Variants in MUC6 observed in about 807,000 individuals in gnomAD.
MUC6 encodes mucin-6.
In MUC6, 188 loss-of-function variants were observed where a neutral mutation model predicts 201.5. The observed-to-expected ratio is 0.93, with a 90% CI of 0.83 to 1.05. MUC6 has a LOEUF of 1.05. Among genes scored for constraint, MUC6 ranks in the 50% least tolerant of loss-of-function variants. The probability of loss-of-function intolerance (pLI) is 0.00; values close to 1 mark genes in which losing one functional copy is unlikely to be tolerated. For missense variants in MUC6, 2,706 were observed against 3,256.9 expected (o/e 0.83, Z 4.12); for synonymous variants, 1,228 against 1,389.4 (o/e 0.88, Z 2.58).
rs140562430 is a variant in MUC6, at chr11:1,030,504, A to G, written c.892+69T>C. ...ATGCAGGCGTCACGTCAGGCAGTCC[A>G]GGGGCTGGGAGAGCTGGGTCTGGAG... On this transcript the variant is annotated intron_variant, in intron 7 of 32. Coordinates refer to ENST00000421673, the MANE Select transcript of MUC6 (RefSeq NM_005961.3). The G allele has an allele frequency of 5.9e-4, 858 of 1,452,534 alleles. 10 individuals carry two copies. The East Asian group carries it at 0.017, about 28-fold the overall frequency. The allele number at this position is 1,452,534 out of a possible 1,614,324, so 90.0% of individuals were successfully genotyped here.
At chr11:1,020,793 C>T in intron 27 of MUC6, 59 bp from the exon 28 acceptor site, 1 of 1,581,210 alleles carries the variant, frequency 6.3e-7, no homozygotes, top group Non-Finnish European at 8.6e-7. Context: ...CCCGTGGGGC[C>T]TCTGGGAGCT....
intron 19 of MUC6, 31 bp from the exon 20 acceptor site, chr11:1,026,509 A>G: frequency 6.5e-7 from 1 of 1,541,994 alleles, no homozygotes. Flanking sequence ...AGCTCCTGGG[A>G]GGGTGGCCTC....
rs746061608 is a variant in MUC6 at position 1,036,608 on chromosome 11, G to A, written c.48C>T (p.Ser16=). 12 of 1,548,796 alleles carry A rather than the reference G, an allele frequency of 7.7e-6. No homozygotes were observed. Among genetic ancestry groups the A allele is most frequent in the South Asian group, 7.1e-5 (6 of 83,986 alleles). Residue 16 remains serine (S), a synonymous_variant, in exon 1 of 33, where the codon AGC becomes AGT. Transcript: ENST00000421673. ...LLLSCCGALL[S]AGLANTSYTS... ...GCGCCCCTCGACCTCACTCACCAGC[G>A]CTGAGCAGGGCTCCGCAGCAGGACA... is the stretch of plus-strand genomic sequence containing the variant.
rs769022870 is a variant in MUC6, at chr11:1,013,949, C to T, written c.7092G>A (p.Met2364Ile). Residue 2364 changes from methionine (M) to isoleucine (I), a missense_variant, in exon 32 of 33, where the codon ATG becomes ATA. Physicochemically the swap from Met to Ile is conservative, Grantham distance 10. Around this residue, in one of 10 missense-constraint regions of MUC6, gnomAD observed 586 missense variants for 488.0 expected, o/e 1.20. Transcript: ENST00000421673. Reference protein sequence around the residue: ...QQEEITFKGCMANVTVTRCEG... With the variant: ...QQEEITFKGCIANVTVTRCEG... ...CACAGCGGGTTACCGTCACGTTCGC[C>T]ATGCACCCCTTGAACGTGATCTCCT... 7 of 1,609,410 alleles carry T rather than the reference C, an allele frequency of 4.3e-6. No homozygotes were observed. In the South Asian group the frequency reaches 6.6e-5, roughly 15 times the overall value.
At chr11:1,030,387 C>CCCCCCCCCCCCCCCCTTGTTGGGGGCCT in intron 7 of MUC6, 52 bp from the exon 8 acceptor site, 1 of 1,444,170 alleles carries the variant, frequency 6.9e-7, no homozygotes. Flanking sequence ...CCACCCCTCC[C>CCCCCCCCCCCCCCCCTTGTTGGGGGCCT]TGCCCCACCC....
At chr11:1,014,357 C>T (rs749257416) in intron 31 of MUC6, among the ~76,000 whole-genome samples, 6 of 152,210 alleles carry the variant, frequency 3.9e-5, no homozygotes, top group Non-Finnish European at 5.9e-5. Context: ...GCATGGGCCT[C>T]TCTGGTTGGC....
rs751897000 is a variant in MUC6, at chr11:1,029,626, G to A, written c.1016-11C>T. 2.6e-6 allele frequency: 4 copies of A among 1,561,616 alleles called. No individual in the cohort carries two copies. Among genetic ancestry groups the A allele is most frequent in the South Asian group, 1.2e-5 (1 of 83,680 alleles). On this transcript the variant is annotated splice_polypyrimidine_tract_variant and intron_variant, in intron 8 of 32. Coordinates refer to ENST00000421673, the MANE Select transcript of MUC6 (RefSeq NM_005961.3). ...CATTCAGGACCGTACCTGCAGGAGA[G>A]GGTCTTCTTGGGGCTTGGGTGGGAC...
intron 31 of MUC6, 124 bp from the exon 32 acceptor site, chr11:1,014,125 C>T (rs1856546917): frequency 1.0e-5 from 8 of 765,776 alleles, no homozygotes; most frequent in Non-Finnish European, 1.5e-5. Flanking sequence ...GTGTGGTCTC[C>T]CCTTGTGGAG....
chr11:1,020,586 C>T lies in MUC6; in HGVS notation c.3640+98G>A, dbSNP rs562801780. The T allele has an allele frequency of 1.8e-5, 28 of 1,519,980 alleles. No individual in the cohort carries two copies. In the African/African-American group the frequency reaches 3.2e-4, roughly 17 times the overall value. 94.2% of individuals were successfully genotyped at this position (1,519,980 alleles called of 1,614,324 possible). A position where few individuals can be genotyped will look rare whatever the true frequency, so the allele number is the denominator to read the frequency against. On this transcript the variant is annotated intron_variant, in intron 28 of 32. Transcript: ENST00000421673. ...TGAGAAGGGCACAGGTACTGCCTGC[C>T]CCCTCCCTGCTTCCCACCCGACAGA... is the stretch of plus-strand genomic sequence containing the variant.
At position 1,025,844 on chromosome 11, in the gene MUC6, G is replaced by A. The variant is rs753380098; in HGVS notation, c.2760C>T (p.Ser920=). 3.8e-5 allele frequency: 62 copies of A among 1,612,932 alleles called. 1 individual carries two copies. Among genetic ancestry groups the A allele is most frequent in the South Asian group, 3.2e-4 (29 of 91,010 alleles). ...TGATGGCCCGTGAGCATGTGACCCCGGAGTTCCCACAGATGACGTTCTCTG... is the reference window on the plus strand; with the variant it reads ...TGATGGCCCGTGAGCATGTGACCCCAGAGTTCCCACAGATGACGTTCTCTG... ...ILTENVICGN[S]GVTCSRAIKI... The change falls in exon 22 of 33, where the codon TCC becomes TCT. Residue 920 remains serine (S), a synonymous_variant. Coordinates refer to ENST00000421673, the MANE Select transcript of MUC6 (RefSeq NM_005961.3).
At chr11:1,023,049 A>T (rs200047074) in intron 26 of MUC6, among the ~76,000 whole-genome samples, 1 of 121,884 alleles carries the variant, frequency 8.2e-6, no homozygotes, top group Non-Finnish European at 1.9e-5. Flanking sequence ...ATGTGCGTGA[A>T]TGAATGTGAA....
chr11:1,031,571 G>T, intron 4 of MUC6, 36 bp downstream of exon 4: 1 of 1,539,312 alleles, frequency 6.5e-7, no homozygotes, highest in South Asian at 1.2e-5. Context: ...CCCGTGCTGC[G>T]GGTCTCCAGG....
At chr11:1,028,185 G>A (rs868021282) in intron 14 of MUC6, 41 bp downstream of exon 14, 8 of 1,542,562 alleles carry the variant, frequency 5.2e-6, no homozygotes, top group East Asian at 4.9e-5. Context: ...AACTGTGGGC[G>A]CTGGGGGGGC....
In MUC6 at chr11:1,028,871, G is replaced by C; in HGVS notation, c.1453+18C>G. The C allele has an allele frequency of 6.2e-7, 1 of 1,611,340 alleles. No homozygotes were observed. The highest frequency in any genetic ancestry group is 8.5e-7 in the Non-Finnish European group (1 of 1,179,856). On this transcript the variant is annotated intron_variant, in intron 12 of 32. Transcript: ENST00000421673. ...GAAGGCACAACTCTGGGGGGCCACA[G>C]ACTGGGCCAGGACGTACGAGTCTTG...
rs201510514 is a variant in MUC6, at chr11:1,016,386, A to G, written c.6415T>C (p.Ser2139Pro). ...SSFSPSPSAP[S>P]TVSSYVPSSH... ...GAGGGCACATAAGAAGAAACAGTAG[A>G]GGGGGCAGAAGGACTGGGAGAAAAT... is the stretch of plus-strand genomic sequence containing the variant. The change falls in exon 31 of 33, where the codon TCT (serine) becomes CCT (proline). Residue 2139 changes from serine to proline, a missense_variant. Transcript: ENST00000421673. The G allele has an allele frequency of 1.9e-6, 3 of 1,612,968 alleles. No homozygotes were observed. Among genetic ancestry groups the G allele is most frequent in the Non-Finnish European group, 2.5e-6 (3 of 1,179,476 alleles).
rs201250690 is a variant in MUC6 at position 1,020,674 on chromosome 11, G to A, written c.3640+10C>T. The A allele has an allele frequency of 1.4e-5, 23 of 1,613,730 alleles. No individual in the cohort carries two copies. The highest frequency in any genetic ancestry group is 8.3e-5 in the Admixed American group (5 of 60,022). ...TGCGTCACCTTGGCACCTAGTGTGC[G>A]TGCAATTACCTGTGGTGGGCAGCTG... On this transcript the variant is annotated intron_variant, in intron 28 of 32. Coordinates refer to ENST00000421673, the MANE Select transcript of MUC6 (RefSeq NM_005961.3).
rs200061527 is a variant in MUC6, at chr11:1,025,358, C to T, written c.2809G>A (p.Val937Met). ...GTGTAGTTTCTGTCCGCCAGCACCA[C>T]GGACAGGCCCTGTGGGGTGGGGTTG... Reference protein sequence around the residue: ...AIKIFLGGLSVVLADRNYTVT... With the variant: ...AIKIFLGGLSMVLADRNYTVT... Residue 937 changes from valine (V) to methionine (M), a missense_variant, in exon 23 of 33, where the codon GTG becomes ATG. Val to Met is a conservative substitution (Grantham distance 21). Transcript: ENST00000421673. 49 of 1,609,472 alleles carry T rather than the reference C, an allele frequency of 3.0e-5. No individual in the cohort carries two copies. In the Admixed American group the frequency reaches 4.2e-4, roughly 14 times the overall value.
At chr11:1,028,866 C>T (rs369763151) in intron 12 of MUC6, 23 bp downstream of exon 12, 2 of 1,611,182 alleles carry the variant, frequency 1.2e-6, no homozygotes, top group African/African-American at 1.3e-5. Flanking sequence ...CTCTGGGGGG[C>T]CACAGACTGG....
chr11:1,030,371 C>CCA, intron 7 of MUC6, 36 bp from the exon 8 acceptor site: 1 of 1,479,968 alleles, frequency 6.8e-7, no homozygotes, highest in Non-Finnish European at 9.1e-7. Flanking sequence ...GAGGGTCCCA[C>CCA]CCCCCCCACC....
Sources: gnomAD v4.1 joint callset for allele counts (sites outside exome capture counted in the v4.1 genomes callset) on GRCh38, gnomAD v4.1.1 for gene constraint, gnomAD v4.1.1 regional missense constraint, MANE v1.5 for transcripts, NCBI Gene and HGNC (gene_info 2026-07-23, HGNC 2026-07-21) for gene names.